The following NEB variants were observed in gnomAD, a reference collection of about 807,000 sequenced individuals.
The protein encoded by NEB is nemaline myopathy type 2.
NEB carries 512 observed loss-of-function variants against 952.2 expected under a neutral mutation model. That is an observed-to-expected ratio of 0.54 (90% confidence interval 0.50 to 0.58). NEB has a LOEUF of 0.58. NEB is among the 20% of genes least tolerant of loss of function. NEB has a pLI of 0.00. For synonymous variants in NEB, 2,900 were observed against 3,149.8 expected, an observed-to-expected ratio of 0.92 and a Z score of 2.66; for missense variants, 8,428 against 9,231.1, an observed-to-expected ratio of 0.91 and a Z score of 3.56.
chr2:151,548,525 A>G, intron 130 of NEB, 110 bp from the exon 131 acceptor site: 2 of 773,356 alleles, frequency 2.6e-6, no homozygotes, highest in Non-Finnish European at 2.2e-6. Context: ...TGCTCTTTTT[A>G]AGGATTAAGT....
chr2:151,688,858 G>T (rs903673690), intron 24 of NEB, among the ~76,000 whole-genome samples: 10 of 152,240 alleles, frequency 6.6e-5, no homozygotes, highest in Admixed American at 2.0e-4. Context: ...GGACAAAGGG[G>T]GATGGTGTGA....
chr2:151,633,683 C>G lies in NEB; in HGVS notation c.9385G>C (p.Ala3129Pro), dbSNP rs1426295537. The G allele has an allele frequency of 6.2e-7, 1 of 1,613,350 alleles. No individual in the cohort carries two copies. Among genetic ancestry groups the G allele is most frequent in the African/African-American group, 1.3e-5 (1 of 74,910 alleles). Residue 3129 changes from alanine to proline, a missense_variant, in exon 65 of 182, where the codon GCT becomes CCT. Transcript: ENST00000397345. ...CLPDQSDVIH[A>P]RQAYDLQSDN... ...CTCTGGAGGTCATAGGCCTGCCGAG[C>G]ATGGATGACATCGCTCTGGTCAGGC...
intron 30 of NEB, among the ~76,000 whole-genome samples, chr2:151,680,332 G>T (rs1306721797): frequency 6.6e-6 from 1 of 151,378 alleles, no homozygotes; most frequent in Non-Finnish European, 1.5e-5. Context: ...ATATTTTGTG[G>T]GCAATTAAAA....
At chr2:151,619,906 G>A (rs2098344696) in intron 72 of NEB, 144 bp from the exon 73 acceptor site, 1 of 826,774 alleles carries the variant, frequency 1.2e-6, no homozygotes, top group Non-Finnish European at 1.8e-6. Context: ...ATATTGGACT[G>A]TTGTGCTCAT....
chr2:151,655,539 A>T (rs894808637), intron 50 of NEB, among the ~76,000 whole-genome samples, 165 bp from the exon 51 acceptor site: 2 of 110,386 alleles, frequency 1.8e-5, no homozygotes, highest in African/African-American at 2.6e-5. Context: ...CTCAGATTTA[A>T]AAAAAAAATC....
At chr2:151,533,255 G>A (rs559914745) in intron 143 of NEB, among the ~76,000 whole-genome samples, 187 bp downstream of exon 143, 56 of 152,244 alleles carry the variant, frequency 3.7e-4, no homozygotes, top group Admixed American at 1.7e-3. Flanking sequence ...GATGATGTAC[G>A]GATGACCACT....
At chr2:151,545,311 C>A (rs2094539827) in intron 135 of NEB, among the ~76,000 whole-genome samples, 1 of 152,164 alleles carries the variant, frequency 6.6e-6, no homozygotes, top group Admixed American at 6.5e-5. Flanking sequence ...CGTGGTGGCT[C>A]ACGCCTGTAA....
At chr2:151,510,021 G>GT in intron 161 of NEB, among the ~76,000 whole-genome samples, 1 of 152,330 alleles carries the variant, frequency 6.6e-6, no homozygotes, top group Admixed American at 6.5e-5. Flanking sequence ...ATGTCTTTGT[G>GT]TAAGTGTTCA....
chr2:151,702,753 A>T (rs1028246717), intron 13 of NEB, among the ~76,000 whole-genome samples: 28 of 152,158 alleles, frequency 1.8e-4, no homozygotes, highest in African/African-American at 6.7e-4. Flanking sequence ...TTTTGAGCCT[A>T]TGTGTGTCTC....
chr2:151,537,213 A>G lies in NEB; in HGVS notation c.21126T>C (p.Thr7042=), dbSNP rs1368636949. The G allele has an allele frequency of 6.2e-7, 1 of 1,612,168 alleles. No individual in the cohort carries two copies. The highest frequency in any genetic ancestry group is 1.3e-5 in the African/African-American group (1 of 74,882). Residue 7042 remains threonine, a synonymous_variant, in exon 141 of 182, where the codon ACT becomes ACC. Transcript: ENST00000397345. ...VSDVKYKEDL[T]WLKGIGCYAY... The stretch of plus-strand genomic sequence containing the variant: ...CATAGCAACCAATGCCTTTAAGCCA[A>G]GTCAAGTCTTCTTTATATTTTACCT...
chr2:151,649,866 C>T (rs967509444), intron 54 of NEB, among the ~76,000 whole-genome samples: 1 of 152,120 alleles, frequency 6.6e-6, no homozygotes, highest in Non-Finnish European at 1.5e-5. Flanking sequence ...ATATACTCTA[C>T]CCCAACAAAA....
chr2:151,523,877 G>A (rs753245846), intron 153 of NEB, among the ~76,000 whole-genome samples: 2 of 152,040 alleles, frequency 1.3e-5, no homozygotes, highest in African/African-American at 4.8e-5. Flanking sequence ...GTTAATATAT[G>A]TATGTTTAAT....
chr2:151,570,048 A>G (rs1462887362), intron 109 of NEB, 33 bp downstream of exon 109: 5 of 1,570,590 alleles, frequency 3.2e-6, no homozygotes, highest in Non-Finnish European at 4.3e-6. Flanking sequence ...GCAAACTGAG[A>G]AAAGAGTTCA....
Position 151,692,116 on chromosome 2 carries a change from G to T in NEB, c.2049C>A (p.Gly683=), listed in dbSNP as rs372609682. 3 of 1,613,914 alleles carry T rather than the reference G, an allele frequency of 1.9e-6. No homozygotes were observed. The Admixed American group carries it at 5.0e-5, about 27-fold the overall frequency. ...YVKDVLGHYV[G]SMEDPYHTHC... ...GTGTGTGATATGGGTCCTCCATGCT[G>T]CCTACATAATGTCCCAAAACATCCT... Residue 683 remains glycine, a synonymous_variant, in exon 22 of 182, where the codon GGC becomes GGA. Transcript: ENST00000397345.
chr2:151,555,119 T>C (rs1377345834), intron 124 of NEB, 75 bp from the exon 125 acceptor site: 13 of 1,087,492 alleles, frequency 1.2e-5, no homozygotes, highest in Non-Finnish European at 1.4e-5. Context: ...AGCATAAGAC[T>C]TAATGGGAAA....
At chr2:151,526,098 G>A in intron 149 of NEB, 30 bp from the exon 150 acceptor site, 1 of 1,611,382 alleles carries the variant, frequency 6.2e-7, no homozygotes, top group African/African-American at 1.3e-5. Flanking sequence ...GCTCATTAAG[G>A]CATCTGCCTG....
chr2:151,637,538 C>T (rs146156804), intron 63 of NEB, among the ~76,000 whole-genome samples: 2,828 of 152,272 alleles, frequency 0.019, 31 homozygotes, highest in Non-Finnish European at 0.031. Flanking sequence ...CCCATGGCAG[C>T]GTCCCAGTCT....
At chr2:151,664,404 C>T in intron 44 of NEB, 97 bp downstream of exon 44, 1 of 882,060 alleles carries the variant, frequency 1.1e-6, no homozygotes, top group South Asian at 2.1e-5. Context: ...TTCCCACCAA[C>T]CCTGAATGGA....
rs1186665648 is a variant in NEB, at chr2:151,524,555, T to G, written c.22334A>C (p.Asp7445Ala). ...LHYTTVADRP[D>A]IKKATQAAKQ... Reference sequence around the variant, plus strand: ...GGCTGCCTGTGTGGCCTTCTTGATGTCTGGTCGATCAGCCACTGTGGTGTA... The same window carrying G: ...GGCTGCCTGTGTGGCCTTCTTGATGGCTGGTCGATCAGCCACTGTGGTGTA... Residue 7445 changes from aspartate (D) to alanine (A), a missense_variant, in exon 152 of 182, where the codon GAC becomes GCC. Asp to Ala is a moderately radical substitution (Grantham distance 126). Transcript: ENST00000397345. 5.6e-6 allele frequency: 9 copies of G among 1,613,710 alleles called. No homozygotes were observed. The highest frequency in any genetic ancestry group is 7.6e-6 in the Non-Finnish European group (9 of 1,179,854).
Sources: gnomAD v4.1 joint callset for allele counts (sites outside exome capture counted in the v4.1 genomes callset) on GRCh38, gnomAD v4.1.1 for gene constraint, MANE v1.5 for transcripts, NCBI Gene and HGNC (gene_info 2026-07-23, HGNC 2026-07-21) for gene names.